Variants in AOAH observed in about 807,000 individuals in gnomAD.
AOAH encodes acyloxyacyl hydrolase.
A neutral mutation model predicts 92.2 loss-of-function variants in AOAH; 64 were observed. The observed-to-expected ratio is 0.69, with a 90% CI of 0.57 to 0.86. The LOEUF is 0.86. Ranked by LOEUF, AOAH falls within the 40% of genes least tolerant of loss-of-function variation. The pLI is 0.00. For missense variants in AOAH, 656 were observed against 694.6 expected, an observed-to-expected ratio of 0.94 and a Z score of 0.62; for synonymous variants, 263 against 254.5, an observed-to-expected ratio of 1.03 and a Z score of -0.32.
intron 13 of AOAH, among the ~76,000 whole-genome samples, chr7:36,560,318 T>C (rs1225811519): frequency 6.6e-6 from 1 of 152,254 alleles, no homozygotes; most frequent in African/African-American, 2.4e-5. Flanking sequence ...ATAGATTGCT[T>C]TGGGCAGTAT....
intron 16 of AOAH, among the ~76,000 whole-genome samples, chr7:36,536,912 T>C (rs1785094990): frequency 8.4e-6 from 1 of 119,232 alleles, no homozygotes; most frequent in Non-Finnish European, 1.6e-5. Context: ...ATCGCACCAC[T>C]GCATTCCAGC....
intron 13 of AOAH, among the ~76,000 whole-genome samples, chr7:36,556,145 A>C (rs1038704474): frequency 1.3e-5 from 2 of 150,942 alleles, no homozygotes. Context: ...CCCTCTACAC[A>C]CTGCTTTTAA....
intron 1 of AOAH, 75 bp from the exon 2 acceptor site, chr7:36,686,869 T>G: frequency 1.2e-6 from 1 of 808,136 alleles, no homozygotes; most frequent in Admixed American, 3.7e-5. Flanking sequence ...AAAGAAAGGA[T>G]GCGTGTGTGT....
chr7:36,626,418 T>A (rs910690779), intron 6 of AOAH, among the ~76,000 whole-genome samples: 2 of 152,196 alleles, frequency 1.3e-5, no homozygotes, highest in African/African-American at 4.8e-5. Context: ...AGGCCCCAAG[T>A]GACTGGCCAA....
At chr7:36,673,861 A>G in intron 3 of AOAH, 82 bp downstream of exon 3, 1 of 963,494 alleles carries the variant, frequency 1.0e-6, no homozygotes, top group South Asian at 1.5e-5. Context: ...CATGCTGAAC[A>G]CAGAGCCTCC....
intron 12 of AOAH, among the ~76,000 whole-genome samples, chr7:36,578,133 T>C (rs1788663799): frequency 6.6e-6 from 1 of 152,224 alleles, no homozygotes; most frequent in Non-Finnish European, 1.5e-5. Context: ...GAATAATGTA[T>C]TTATTTTTTA....
At chr7:36,625,119 C>T (rs2116130076) in intron 6 of AOAH, among the ~76,000 whole-genome samples, 1 of 152,112 alleles carries the variant, frequency 6.6e-6, no homozygotes, top group East Asian at 1.9e-4. Context: ...GAGGGAGCTG[C>T]AAGCTGATGT....
rs767380677 is a variant in AOAH at position 36,686,708 on chromosome 7, A to T, written c.214T>A (p.Tyr72Asn). ...CTCGTCCCATATTTACCAGGCAGGT[A>T]GCTGCACAGTCTCTCCATCGAGGCC... is the stretch of plus-strand genomic sequence containing the variant. Reference protein sequence around the residue: ...VQASMERLCSYLPEKLFLKTT... With the variant: ...VQASMERLCSNLPEKLFLKTT... The change falls in exon 2 of 21, where the codon TAC becomes AAC. Residue 72 changes from tyrosine to asparagine, a missense_variant. By Grantham distance (143) the Tyr-to-Asn change is moderately radical. Coordinates refer to ENST00000617537, the MANE Select transcript of AOAH (RefSeq NM_001637.4). 1.8e-5 allele frequency: 28 copies of T among 1,539,684 alleles called. No homozygotes were observed. The South Asian group carries it at 3.4e-4, about 19-fold the overall frequency.
intron 15 of AOAH, among the ~76,000 whole-genome samples, chr7:36,547,643 G>T (rs1473840647): frequency 6.6e-6 from 1 of 152,022 alleles, no homozygotes; most frequent in Non-Finnish European, 1.5e-5. Flanking sequence ...TGCTACTGGG[G>T]AGTTGCTCTA....
chr7:36,705,748 T>C (rs1299049607), intron 1 of AOAH, among the ~76,000 whole-genome samples: 2 of 151,588 alleles, frequency 1.3e-5, no homozygotes, highest in South Asian at 2.1e-4. Flanking sequence ...TACAAGGCTA[T>C]AGGGCTACAG....
At chr7:36,635,431 C>T (rs1442253683) in intron 5 of AOAH, among the ~76,000 whole-genome samples, 1 of 152,230 alleles carries the variant, frequency 6.6e-6, no homozygotes, top group Non-Finnish European at 1.5e-5. Flanking sequence ...CTCTTCTGTA[C>T]ACAGCCAGGC....
intron 11 of AOAH, among the ~76,000 whole-genome samples, chr7:36,610,098 G>A (rs971969925): frequency 5.5e-5 from 8 of 144,846 alleles, no homozygotes; most frequent in Non-Finnish European, 1.0e-4. Context: ...TTTAAAAATT[G>A]GAAGGTTTTT....
chr7:36,534,325 C>T (rs955497802), intron 16 of AOAH, among the ~76,000 whole-genome samples: 2 of 152,208 alleles, frequency 1.3e-5, no homozygotes, highest in East Asian at 1.9e-4. Flanking sequence ...TTCCCTCTGT[C>T]GCCTGGCTCC....
At chr7:36,580,160 G>A (rs1269287827) in intron 12 of AOAH, among the ~76,000 whole-genome samples, 1 of 152,124 alleles carries the variant, frequency 6.6e-6, no homozygotes, top group Non-Finnish European at 1.5e-5. Flanking sequence ...TTTGAGAGAT[G>A]TCCTTAAATT....
chr7:36,716,749 C>G (rs1799204213), intron 1 of AOAH, among the ~76,000 whole-genome samples: 1 of 150,102 alleles, frequency 6.7e-6, no homozygotes, highest in Non-Finnish European at 1.5e-5. Context: ...GGCATGTTCT[C>G]AATCATAGGT....
At chr7:36,596,094 T>C (rs954093985) in intron 11 of AOAH, among the ~76,000 whole-genome samples, 5 of 152,202 alleles carry the variant, frequency 3.3e-5, no homozygotes, top group Non-Finnish European at 5.9e-5. Context: ...TTCTTTCTTA[T>C]TGCAAGGTAG....
chr7:36,516,386 C>T lies in AOAH; in HGVS notation c.1600-3006G>A, dbSNP rs1783707159. Reference sequence around the variant, plus strand: ...AGCACACAGATACCACACACACCCCCACAGAAAGCACACAGATACCACACA... The same window carrying T: ...AGCACACAGATACCACACACACCCCTACAGAAAGCACACAGATACCACACA... On this transcript the variant is annotated intron_variant, in intron 20 of 20. Coordinates refer to ENST00000617537, the MANE Select transcript of AOAH (RefSeq NM_001637.4). The surrounding 1 kb of genome is among the most constrained non-coding windows in gnomAD (Gnocchi z 5.0). Among the ~76,000 whole-genome samples, 1 of 129,148 alleles carries T rather than the reference C, an allele frequency of 7.7e-6. No homozygotes were observed. Among genetic ancestry groups the T allele is most frequent in the Admixed American group, 8.4e-5 (1 of 11,882 alleles). The allele number at this position is 129,148 out of a possible 152,430, so 84.7% of individuals were successfully genotyped here. A position where few individuals can be genotyped will look rare whatever the true frequency, so the allele number is the denominator to read the frequency against.
In AOAH at chr7:36,673,481, G is replaced by A. The variant is rs1434384187; in HGVS notation, c.290+462C>T. ...GAACCTGGGAGGTGGAGGTTGCAGT[G>A]AGCCGAGATCACACCACTGCCCTCC... On this transcript the variant is annotated intron_variant, in intron 3 of 20. Transcript: ENST00000617537. 4.6e-5 allele frequency among the ~76,000 whole-genome samples: 7 copies of A among 151,464 alleles called. No individual in the cohort carries two copies. The East Asian group carries it at 9.8e-4, about 21-fold the overall frequency.
chr7:36,697,185 G>A (rs1403089922), intron 1 of AOAH, among the ~76,000 whole-genome samples: 3 of 152,122 alleles, frequency 2.0e-5, no homozygotes, highest in East Asian at 3.9e-4. Context: ...GGTTTTCATA[G>A]ATGTCCTTTA....
Sources: gnomAD v4.1 joint callset for allele counts (sites outside exome capture counted in the v4.1 genomes callset) on GRCh38, gnomAD v4.1.1 for gene constraint, Gnocchi (gnomAD v3.1) non-coding constraint, MANE v1.5 for transcripts, NCBI Gene and HGNC (gene_info 2026-07-23, HGNC 2026-07-21) for gene names.